Variants in DNAH9 observed in about 807,000 individuals in gnomAD.
The protein encoded by DNAH9 is DNAH9 variant protein.
DNAH9 carries 345 observed loss-of-function variants against 471.6 expected under a neutral mutation model. That is an observed-to-expected ratio of 0.73 (90% CI 0.67 to 0.80). The LOEUF is 0.80. Among genes scored for constraint, DNAH9 ranks in the 30% least tolerant of loss-of-function variants. DNAH9 has a pLI of 0.00. For synonymous variants in DNAH9, 2,093 were observed against 2,123.6 expected (o/e 0.99, Z 0.40); for missense variants, 5,407 against 5,609.2 (o/e 0.96, Z 1.15).
chr17:11,698,815 A>G (rs1395016159), intron 22 of DNAH9, among the ~76,000 whole-genome samples: 1 of 148,524 alleles, frequency 6.7e-6, no homozygotes, highest in Non-Finnish European at 1.5e-5. Flanking sequence ...GCCCCAGGCA[A>G]TCACTGTAGA....
rs375201101 is a variant in DNAH9 at position 11,888,138 on chromosome 17, G to A, written c.11112+1173G>A. The stretch of plus-strand genomic sequence containing the variant: ...GCTGGGACTACAGGTGCCCACCACC[G>A]CACCTGGCTAATTTTTTTTGTATTT... On this transcript the variant is annotated intron_variant, in intron 57 of 68. Coordinates refer to ENST00000262442, the MANE Select transcript of DNAH9 (RefSeq NM_001372.4). Among the ~76,000 whole-genome samples, 180 of 151,680 alleles carry A rather than the reference G, an allele frequency of 1.2e-3. 1 individual carries two copies. The South Asian group carries it at 0.014, about 12-fold the overall frequency.
At position 11,598,512 on chromosome 17, in the gene DNAH9, A is replaced by AGGAGCGGGCCGCGCTCGCGGC; in HGVS notation, c.19_39dup (p.Arg7_Glu13dup). The AGGAGCGGGCCGCGCTCGCGGC allele has an allele frequency of 2.2e-6, 3 of 1,346,606 alleles. No homozygotes were observed. The South Asian group carries it at 5.1e-5, about 23-fold the overall frequency. The allele number at this position is 1,346,606 out of a possible 1,614,324, so 83.4% of individuals were successfully genotyped here. On this transcript the variant is annotated inframe_insertion, in exon 1 of 69. Coordinates refer to ENST00000262442, the MANE Select transcript of DNAH9 (RefSeq NM_001372.4). Reference sequence around the variant, plus strand: ...AGGCCGCGCGCGATGCGGCTCGCGGAGGAGCGGGCCGCGCTCGCGGCGGAG... The same window carrying AGGAGCGGGCCGCGCTCGCGGC: ...AGGCCGCGCGCGATGCGGCTCGCGGAGGAGCGGGCCGCGCTCGCGGCGGAGCGGGCCGCGCTCGCGGCGGAG...
chr17:11,963,075 A>C (rs1976367128), intron 68 of DNAH9, among the ~76,000 whole-genome samples: 1 of 152,120 alleles, frequency 6.6e-6, no homozygotes, highest in African/African-American at 2.4e-5. Context: ...TTGCAGATGT[A>C]ATTAGTTATG....
At chr17:11,763,677 T>C in intron 36 of DNAH9, 63 bp downstream of exon 36, 1 of 1,491,306 alleles carries the variant, frequency 6.7e-7, no homozygotes, top group South Asian at 1.2e-5. Flanking sequence ...ACTGATCCTT[T>C]AGCAAAGATT....
Position 11,784,298 on chromosome 17 carries a change from A to G in DNAH9, c.7822-2A>G. 1 of 1,614,118 alleles carries G rather than the reference A, an allele frequency of 6.2e-7. No individual in the cohort carries two copies. Among genetic ancestry groups the G allele is most frequent in the Non-Finnish European group, 8.5e-7 (1 of 1,179,974 alleles). ...GAGCTCATGCCTTTGTTTCCTGTAC[A>G]GCGTCACTTCAGCGTGTTTGTCCTC... On this transcript the variant is annotated splice_acceptor_variant, in intron 40 of 68. Transcript: ENST00000262442. LOFTEE classifies it high-confidence loss of function.
Position 11,689,691 on chromosome 17 carries a change from A to T in DNAH9, c.3869A>T (p.Lys1290Met), listed in dbSNP as rs927581990. 1 of 1,614,164 alleles carries T rather than the reference A, an allele frequency of 6.2e-7. No individual in the cohort carries two copies. Among genetic ancestry groups the T allele is most frequent in the East Asian group, 2.2e-5 (1 of 44,878 alleles). Residue 1290 changes from lysine to methionine, a missense_variant, in exon 20 of 69, where the codon AAG becomes ATG. Transcript: ENST00000262442. Reference protein sequence around the residue: ...SLFEVNVPDYKQLRQCRKEVC... With the variant: ...SLFEVNVPDYMQLRQCRKEVC... ...TTTGAAGTCAATGTCCCTGACTATA[A>T]GCAGCTGAGGCAGTGCAGGAAGGAG...
At chr17:11,634,951 G>A (rs866042367) in intron 8 of DNAH9, among the ~76,000 whole-genome samples, 5 of 152,266 alleles carry the variant, frequency 3.3e-5, no homozygotes, top group Middle Eastern at 3.4e-3. Flanking sequence ...GAAATAAGGA[G>A]GTAGGATAAA....
chr17:11,638,289 G>A (rs1260482140), intron 9 of DNAH9, among the ~76,000 whole-genome samples: 1 of 152,184 alleles, frequency 6.6e-6, no homozygotes, highest in African/African-American at 2.4e-5. Context: ...CTTACGGTCA[G>A]ATACAGAGTT....
chr17:11,942,045 A>T (rs554694556), intron 66 of DNAH9, among the ~76,000 whole-genome samples: 1 of 152,130 alleles, frequency 6.6e-6, no homozygotes, highest in Non-Finnish European at 1.5e-5. Context: ...TTAGAGAGCT[A>T]TCTGTGTTCA....
intron 59 of DNAH9, among the ~76,000 whole-genome samples, chr17:11,901,070 G>T (rs1051689125): frequency 6.6e-6 from 1 of 152,214 alleles, no homozygotes; most frequent in African/African-American, 2.4e-5. Flanking sequence ...TCCCAAGCAG[G>T]CTGCAAATGG....
At chr17:11,666,180 G>A (rs549762784) in intron 15 of DNAH9, among the ~76,000 whole-genome samples, 2 of 152,324 alleles carry the variant, frequency 1.3e-5, no homozygotes, top group East Asian at 1.9e-4. Flanking sequence ...AGCACTGGTG[G>A]TGTCCACCTT....
rs984031626 is a variant in DNAH9, at chr17:11,598,955, T to C, written c.417+40T>C. On this transcript the variant is annotated intron_variant, in intron 1 of 68. Coordinates refer to ENST00000262442, the MANE Select transcript of DNAH9 (RefSeq NM_001372.4). ...GTGTCCCCGCGCGGCTAAAGCTGGG[T>C]GGGGGAGGGGAGGAGGAGCCTTAAG... 8 of 847,186 alleles carry C rather than the reference T, an allele frequency of 9.4e-6. No homozygotes were observed. In the African/African-American group the frequency reaches 2.7e-4, roughly 29 times the overall value. 52.5% of individuals were successfully genotyped at this position (847,186 alleles called of 1,614,324 possible). A position where few individuals can be genotyped will look rare whatever the true frequency, so the allele number is the denominator to read the frequency against.
At chr17:11,933,370 C>A (rs900453807) in intron 64 of DNAH9, among the ~76,000 whole-genome samples, 1 of 151,802 alleles carries the variant, frequency 6.6e-6, no homozygotes, top group African/African-American at 2.4e-5. Context: ...TGTAATTCTT[C>A]AAGCTTTTTT....
In DNAH9 at chr17:11,714,898, T is replaced by A. The variant is rs112151465; in HGVS notation, c.5553-4436T>A. Among the ~76,000 whole-genome samples, 87 of 152,262 alleles carry A rather than the reference T, an allele frequency of 5.7e-4. 1 individual carries two copies. The highest frequency in any genetic ancestry group is 1.9e-3 in the African/African-American group (80 of 41,546). On this transcript the variant is annotated intron_variant, in intron 26 of 68. Coordinates refer to ENST00000262442, the MANE Select transcript of DNAH9 (RefSeq NM_001372.4). The stretch of plus-strand genomic sequence containing the variant: ...CCTGAATGAGCTTGGAAGTAGACTC[T>A]ACCCCAAAGCCTCCAGATAATAGTC...
Position 11,892,287 on chromosome 17 carries a change from CT to C in DNAH9, c.11283+345del, listed in dbSNP as rs1227137381. 6.6e-6 allele frequency among the ~76,000 whole-genome samples: 1 copy of C among 152,150 alleles called. No homozygotes were observed. Among genetic ancestry groups the C allele is most frequent in the African/African-American group, 2.4e-5 (1 of 41,432 alleles). Reference sequence around the variant, plus strand: ...ATGAAACCATACCAATAACCAGACGCTTTTTGAAATGCTGTAAGAAATTTGG... The same window carrying C: ...ATGAAACCATACCAATAACCAGACGCTTTTGAAATGCTGTAAGAAATTTGG... On this transcript the variant is annotated intron_variant, in intron 58 of 68. Coordinates refer to ENST00000262442, the MANE Select transcript of DNAH9 (RefSeq NM_001372.4). The surrounding 1 kb of genome is among the most constrained non-coding windows in gnomAD (Gnocchi z 4.3).
chr17:11,785,426 C>G (rs1684061190), intron 41 of DNAH9, among the ~76,000 whole-genome samples: 1 of 152,140 alleles, frequency 6.6e-6, no homozygotes, highest in African/African-American at 2.4e-5. Context: ...ATTAATTTCT[C>G]AGAGCAATTA....
chr17:11,840,183 A>G (rs1254263500), intron 49 of DNAH9, among the ~76,000 whole-genome samples: 1 of 152,234 alleles, frequency 6.6e-6, no homozygotes, highest in East Asian at 1.9e-4. Flanking sequence ...TCGACATTAT[A>G]CAAGAAAGAC....
At chr17:11,849,240 C>G (rs1971329188) in intron 49 of DNAH9, among the ~76,000 whole-genome samples, 1 of 152,160 alleles carries the variant, frequency 6.6e-6, no homozygotes, top group Non-Finnish European at 1.5e-5. Flanking sequence ...CTGGACCAAG[C>G]CACCTTCAGT....
intron 54 of DNAH9, among the ~76,000 whole-genome samples, chr17:11,880,536 C>A (rs1320480746): frequency 6.6e-6 from 1 of 152,146 alleles, no homozygotes; most frequent in African/African-American, 2.4e-5. Flanking sequence ...ACAAGCCAGT[C>A]ATCTGAATTC....
Sources: gnomAD v4.1 joint callset for allele counts (sites outside exome capture counted in the v4.1 genomes callset) on GRCh38, gnomAD v4.1.1 for gene constraint, Gnocchi (gnomAD v3.1) non-coding constraint, MANE v1.5 for transcripts, NCBI Gene and HGNC (gene_info 2026-07-23, HGNC 2026-07-21) for gene names.